COQ10B: variants seen among roughly 807,000 people sequenced by gnomAD.
COQ10B encodes coenzyme Q10B.
A neutral mutation model predicts 27.6 loss-of-function variants in COQ10B; 12 were observed. The observed-to-expected ratio is 0.43, with a 90% CI of 0.28 to 0.70. The LOEUF is 0.70. Ranked by LOEUF, COQ10B falls within the 30% of genes least tolerant of loss-of-function variation. The pLI, the probability that COQ10B is intolerant of heterozygous loss-of-function variation, is 0.17. For missense variants in COQ10B, 278 were observed against 288.7 expected (o/e 0.96, Z 0.27); for synonymous variants, 115 against 103.0 (o/e 1.12, Z -0.71).
At chr2:197,470,231 T>C in intron 4 of COQ10B, 60 bp downstream of exon 4, 1 of 955,540 alleles carries the variant, frequency 1.0e-6, no homozygotes. Flanking sequence ...TAAAAAGTAA[T>C]CATTTTTTAG....
intron 3 of COQ10B, among the ~76,000 whole-genome samples, chr2:197,465,539 G>C (rs1286352808): frequency 1.3e-5 from 2 of 152,006 alleles, no homozygotes. Flanking sequence ...TGATCTGTCT[G>C]CCTTGGCCTC....
chr2:197,453,672 A>G lies in COQ10B; in HGVS notation c.104+8A>G, dbSNP rs1463896956. 2 of 1,609,380 alleles carry G rather than the reference A, an allele frequency of 1.2e-6. No homozygotes were observed. Among genetic ancestry groups the G allele is most frequent in the African/African-American group, 2.7e-5 (2 of 74,878 alleles). On this transcript the variant is annotated splice_region_variant and intron_variant, in intron 1 of 4. Transcript: ENST00000263960. ...GCCCGTGCGGAATGGCAGGTAATCAACAGCGGGGGCGCTGAGACGAGAGTA... is the reference window on the plus strand; with the variant it reads ...GCCCGTGCGGAATGGCAGGTAATCAGCAGCGGGGGCGCTGAGACGAGAGTA...
chr2:197,470,220 G>A (rs2085864583), intron 4 of COQ10B, 49 bp downstream of exon 4: 3 of 1,053,920 alleles, frequency 2.8e-6, no homozygotes, highest in African/African-American at 3.2e-5. Context: ...GGTAAAATTG[G>A]TAAAAAGTAA....
chr2:197,454,288 G>A, intron 1 of COQ10B: 1 of 616,854 alleles, frequency 1.6e-6, no homozygotes, highest in Admixed American at 3.3e-5. Flanking sequence ...GATGGAGGTC[G>A]GGACACGGAT....
At chr2:197,468,284 C>T (rs558516928) in intron 3 of COQ10B, among the ~76,000 whole-genome samples, 6 of 151,086 alleles carry the variant, frequency 4.0e-5, no homozygotes, top group Non-Finnish European at 7.4e-5. Flanking sequence ...AGTAAAAATA[C>T]GAAAAAAAAT....
In COQ10B at chr2:197,454,000, T is replaced by C. The variant is rs1457510225; in HGVS notation, c.104+336T>C. On this transcript the variant is annotated intron_variant, in intron 1 of 4. Coordinates refer to ENST00000263960, the MANE Select transcript of COQ10B (RefSeq NM_025147.5). The stretch of plus-strand genomic sequence containing the variant: ...TACTGCTGTTGGAAAGTTTTAACTT[T>C]GCGCAGAAGGGTTGCCGGCTGCTGG... 6.4e-6 allele frequency: 10 copies of C among 1,551,160 alleles called. No homozygotes were observed. The South Asian group carries it at 9.5e-5, about 15-fold the overall frequency.
chr2:197,455,278 G>A (rs929786073), intron 1 of COQ10B, among the ~76,000 whole-genome samples: 3 of 151,940 alleles, frequency 2.0e-5, no homozygotes, highest in Non-Finnish European at 4.4e-5. Flanking sequence ...TCAAGTAAAG[G>A]TTTCAGCACT....
rs1026419992 is a variant in COQ10B at position 197,471,106 on chromosome 2, A to G, written c.549+935A>G. Reference sequence around the variant, plus strand: ...AAAACATGCAGAAATAAGGTAATATATTTTTTTCATTTTTTTGCATCTAGA... The same window carrying G: ...AAAACATGCAGAAATAAGGTAATATGTTTTTTTCATTTTTTTGCATCTAGA... On this transcript the variant is annotated intron_variant, in intron 4 of 4. Coordinates refer to ENST00000263960, the MANE Select transcript of COQ10B (RefSeq NM_025147.5). Among the ~76,000 whole-genome samples the G allele has an allele frequency of 5.9e-5, 9 of 151,920 alleles. No individual in the cohort carries two copies. In the East Asian group the frequency reaches 1.2e-3, roughly 20 times the overall value.
At chr2:197,457,251 G>C (rs1452718907) in intron 1 of COQ10B, among the ~76,000 whole-genome samples, 1 of 152,100 alleles carries the variant, frequency 6.6e-6, no homozygotes, top group Non-Finnish European at 1.5e-5. Context: ...CTGGGCGTTG[G>C]GGATCCGTCT....
At chr2:197,456,155 A>T (rs1157506245) in intron 1 of COQ10B, among the ~76,000 whole-genome samples, 2 of 152,136 alleles carry the variant, frequency 1.3e-5, no homozygotes, top group Non-Finnish European at 2.9e-5. Context: ...GTCCTCTCTC[A>T]TATGTGGAAG....
At chr2:197,455,372 T>C (rs1169371864) in intron 1 of COQ10B, among the ~76,000 whole-genome samples, 1 of 152,108 alleles carries the variant, frequency 6.6e-6, no homozygotes. Context: ...ATGCCTGTAA[T>C]TCCAACACTT....
chr2:197,459,787 C>T, intron 1 of COQ10B, 145 bp from the exon 2 acceptor site: 2 of 455,268 alleles, frequency 4.4e-6, no homozygotes, highest in South Asian at 1.1e-4. Flanking sequence ...TGTGCTTTTT[C>T]TGTGCCCGTG....
At position 197,474,124 on chromosome 2, in the gene COQ10B, A is replaced by C. The variant is rs1173131539; in HGVS notation, c.*200A>C. ...ATTTCTTCAAGTATAATTCAAAATA[A>C]TATGGACATTATCATGTTCTGCATT... On this transcript the variant is annotated 3_prime_UTR_variant, in exon 5 of 5. Transcript: ENST00000263960. The C allele has an allele frequency of 2.7e-6, 1 of 370,914 alleles. No homozygotes were observed. Among genetic ancestry groups the C allele is most frequent in the Non-Finnish European group, 4.8e-6 (1 of 209,896 alleles). 23.0% of individuals were successfully genotyped at this position (370,914 alleles called of 1,614,324 possible).
chr2:197,459,510 A>G (rs148759392), intron 1 of COQ10B, among the ~76,000 whole-genome samples: 152 of 152,234 alleles, frequency 1.0e-3, no homozygotes, highest in African/African-American at 3.6e-3. Flanking sequence ...ATGTCTGCCA[A>G]GAGATTTGAG....
chr2:197,453,570 C>T lies in COQ10B; in HGVS notation c.10C>T (p.Arg4Trp). The change falls in exon 1 of 5, where the codon CGG becomes TGG. Residue 4 changes from arginine (R) to tryptophan (W), a missense_variant. Physicochemically the swap from Arg to Trp is moderately radical, Grantham distance 101 (BLOSUM62 -3). Transcript: ENST00000263960. MAARTGHTALRRVV... is the reference protein window; with the variant it reads MAAWTGHTALRRVV... ...CTTCGGAGAGTCTATCATGGCAGCT[C>T]GGACTGGTCATACGGCCTTGAGAAG... 1 of 1,613,538 alleles carries T rather than the reference C, an allele frequency of 6.2e-7. No homozygotes were observed. The highest frequency in any genetic ancestry group is 1.1e-5 in the South Asian group (1 of 91,050).
At chr2:197,469,810 G>A (rs1334226373) in intron 3 of COQ10B, among the ~76,000 whole-genome samples, 5 of 151,764 alleles carry the variant, frequency 3.3e-5, no homozygotes, top group Admixed American at 3.3e-4. Context: ...GGAAAGCTAA[G>A]TAGCAAAGCA....
chr2:197,454,131 G>C (rs1418746804), intron 1 of COQ10B: 1 of 1,550,214 alleles, frequency 6.5e-7, no homozygotes, highest in Non-Finnish European at 8.7e-7. Context: ...CTTTGCCCTC[G>C]CCATTTAGTG....
intron 1 of COQ10B, among the ~76,000 whole-genome samples, chr2:197,457,648 G>A (rs1033682137): frequency 6.6e-6 from 1 of 150,632 alleles, no homozygotes; most frequent in Non-Finnish European, 1.5e-5. Flanking sequence ...GAGACGGGGA[G>A]TCTTGCTCTG....
chr2:197,473,393 C>T (rs57703054), intron 4 of COQ10B, among the ~76,000 whole-genome samples: 26 of 120,840 alleles, frequency 2.2e-4, no homozygotes, highest in Non-Finnish European at 3.5e-4. Context: ...TTCTCTACGC[C>T]CCCCCCCACA....
Sources: gnomAD v4.1 joint callset for allele counts (sites outside exome capture counted in the v4.1 genomes callset) on GRCh38, gnomAD v4.1.1 for gene constraint, MANE v1.5 for transcripts, NCBI Gene and HGNC (gene_info 2026-07-23, HGNC 2026-07-21) for gene names.